The following SYNE2 variants were observed in gnomAD, a reference collection of about 807,000 sequenced individuals.
SYNE2 encodes the protein nesprin-2.
A neutral mutation model predicts 856.3 loss-of-function variants in SYNE2; 431 were observed. The observed-to-expected ratio is 0.50, with a 90% CI of 0.47 to 0.55. The LOEUF is 0.55. Among genes scored for constraint, SYNE2 ranks in the 20% least tolerant of loss-of-function variants. SYNE2 has a pLI of 0.00. For synonymous variants in SYNE2, 2,923 were observed against 2,872.3 expected (o/e 1.02, Z -0.56); for missense variants, 8,129 against 8,023.2 (o/e 1.01, Z -0.50).
At chr14:64,086,563 T>G (rs1417482941) in intron 57 of SYNE2, among the ~76,000 whole-genome samples, 3 of 152,158 alleles carry the variant, frequency 2.0e-5, no homozygotes, top group Non-Finnish European at 4.4e-5. Flanking sequence ...TGGGATTGCA[T>G]TAGATTTGTA....
intron 11 of SYNE2, among the ~76,000 whole-genome samples, chr14:63,970,487 T>G (rs2096459482): frequency 6.6e-6 from 1 of 152,180 alleles, no homozygotes; most frequent in Non-Finnish European, 1.5e-5. Context: ...CATGAACCAC[T>G]GTGCCTAGCC....
chr14:63,952,472 T>A (rs1566895162), intron 7 of SYNE2, among the ~76,000 whole-genome samples: 1 of 152,246 alleles, frequency 6.6e-6, no homozygotes, highest in Non-Finnish European at 1.5e-5. Flanking sequence ...AAAGCCACAA[T>A]TACTTTTGCA....
intron 63 of SYNE2, 102 bp from the exon 64 acceptor site, chr14:64,101,830 C>T: frequency 2.4e-6 from 2 of 816,998 alleles, no homozygotes; most frequent in Middle Eastern, 2.2e-4. Flanking sequence ...GTTACACTGC[C>T]TGATAAGTTG....
intron 2 of SYNE2, among the ~76,000 whole-genome samples, chr14:63,930,190 G>A (rs2095730387): frequency 6.6e-6 from 1 of 151,830 alleles, no homozygotes; most frequent in African/African-American, 2.4e-5. Context: ...GGAGGCTGAG[G>A]TGGGAGGATC....
intron 45 of SYNE2, among the ~76,000 whole-genome samples, chr14:64,032,566 T>TTTG (rs57794503): frequency 0.037 from 5,616 of 149,832 alleles, 345 homozygotes; most frequent in African/African-American, 0.13. Context: ...TATCTCTAAT[T>TTTG]TTGTTGTTGT....
Position 63,963,905 on chromosome 14 carries a change from G to T in SYNE2, c.895G>T (p.Val299Leu), listed in dbSNP as rs1467199770. 6.2e-7 allele frequency: 1 copy of T among 1,611,754 alleles called. No individual in the cohort carries two copies. The highest frequency in any genetic ancestry group is 8.5e-7 in the Non-Finnish European group (1 of 1,178,126). Residue 299 changes from valine (V) to leucine (L), a missense_variant, in exon 10 of 116, where the codon GTG (valine) becomes TTG (leucine). Coordinates refer to ENST00000555002, the MANE Select transcript of SYNE2 (RefSeq NM_182914.3). ...TTGTGTGTGTAAAATACAGGGAAAGGTGAAAGATGCTATGGGCTGGTTAAC... is the reference window on the plus strand; with the variant it reads ...TTGTGTGTGTAAAATACAGGGAAAGTTGAAAGATGCTATGGGCTGGTTAAC... ...PGTGEEAQGK[V>L]KDAMGWLTLQ...
intron 1 of SYNE2, among the ~76,000 whole-genome samples, chr14:63,863,237 T>C (rs2140215655): frequency 6.6e-6 from 1 of 152,344 alleles, no homozygotes; most frequent in East Asian, 1.9e-4. Context: ...TCTTAGTCAA[T>C]GTGCTCCATG....
intron 82 of SYNE2, among the ~76,000 whole-genome samples, chr14:64,142,468 G>T (rs1431304528): frequency 1.3e-5 from 2 of 152,056 alleles, no homozygotes; most frequent in Non-Finnish European, 2.9e-5. Context: ...GAATGCCAGG[G>T]CCCACGTTTA....
At chr14:64,085,687 C>T (rs1360157016) in intron 57 of SYNE2, among the ~76,000 whole-genome samples, 1 of 152,122 alleles carries the variant, frequency 6.6e-6, no homozygotes, top group Admixed American at 6.5e-5. Flanking sequence ...ATATTGTCTG[C>T]CTTTTAAATT....
At chr14:63,764,959 A>C (rs747293065) in intron 1 of SYNE2, among the ~76,000 whole-genome samples, 15 of 152,056 alleles carry the variant, frequency 9.9e-5, no homozygotes, top group Non-Finnish European at 2.2e-4. Flanking sequence ...AAACAAAACA[A>C]AACAAAGTGG....
intron 32 of SYNE2, among the ~76,000 whole-genome samples, chr14:64,011,545 C>T (rs1326092661): frequency 1.3e-5 from 2 of 152,198 alleles, no homozygotes; most frequent in Non-Finnish European, 2.9e-5. Context: ...CTACCTTGTA[C>T]TCTTGTTTTA....
At chr14:63,901,316 T>C (rs1008249610) in intron 1 of SYNE2, among the ~76,000 whole-genome samples, 14 of 152,258 alleles carry the variant, frequency 9.2e-5, no homozygotes, top group African/African-American at 3.4e-4. Context: ...CTATTGAATA[T>C]GGAATGAAGA....
At chr14:63,858,562 G>A (rs1264709850) in intron 1 of SYNE2, among the ~76,000 whole-genome samples, 1 of 151,904 alleles carries the variant, frequency 6.6e-6, no homozygotes, top group Non-Finnish European at 1.5e-5. Flanking sequence ...GACTCCAGGT[G>A]CGTGCCACCA....
At chr14:64,041,957 G>A (rs1167067341) in intron 45 of SYNE2, among the ~76,000 whole-genome samples, 1 of 151,972 alleles carries the variant, frequency 6.6e-6, no homozygotes, top group Non-Finnish European at 1.5e-5. Flanking sequence ...TATCTATTGA[G>A]AATCAAAGGA....
At chr14:64,152,447 T>C (rs1325097562) in intron 84 of SYNE2, 117 bp from the exon 85 acceptor site, 29 of 984,874 alleles carry the variant, frequency 2.9e-5, no homozygotes. Flanking sequence ...TGTAATGCTA[T>C]TTAATTATAT....
intron 1 of SYNE2, among the ~76,000 whole-genome samples, chr14:63,791,958 A>AC (rs953766419): frequency 6.6e-6 from 1 of 151,586 alleles, no homozygotes; most frequent in African/African-American, 2.4e-5. Context: ...AAAAAAACAA[A>AC]AACAAAACTT....
At chr14:63,815,977 G>A (rs192719106) in intron 1 of SYNE2, among the ~76,000 whole-genome samples, 5 of 139,458 alleles carry the variant, frequency 3.6e-5, no homozygotes, top group African/African-American at 1.3e-4. Context: ...TGAGATGGGA[G>A]TCTTGCTCTG....
intron 7 of SYNE2, among the ~76,000 whole-genome samples, chr14:63,954,271 C>T (rs1481121418): frequency 6.6e-6 from 1 of 152,116 alleles, no homozygotes; most frequent in African/African-American, 2.4e-5. Context: ...ATCATTTCCT[C>T]TAGTTAGGAA....
intron 1 of SYNE2, among the ~76,000 whole-genome samples, chr14:63,853,451 C>T (rs1038019794): frequency 1.3e-5 from 2 of 151,518 alleles, no homozygotes; most frequent in East Asian, 1.9e-4. Flanking sequence ...GGCCCCAGCC[C>T]GCCGGTCCGC....
Sources: allele counts gnomAD v4.1 joint callset (sites outside exome capture counted in the v4.1 genomes callset), GRCh38; gene constraint gnomAD v4.1.1; transcripts MANE v1.5; gene names NCBI Gene and HGNC (gene_info 2026-07-23, HGNC 2026-07-21).